The following MARCHF1 variants were observed in gnomAD, a reference collection of about 807,000 sequenced individuals.
The protein encoded by MARCHF1 is E3 ubiquitin-protein ligase MARCHF1.
In MARCHF1, 40 loss-of-function variants were observed where a neutral mutation model predicts 54.2. The ratio of observed to expected loss-of-function variants is 0.74; its 90% CI spans 0.57 to 0.96. The LOEUF (loss-of-function observed/expected upper bound fraction) is 0.96, where lower values mean the gene tolerates loss of function less well. Ranked by LOEUF, MARCHF1 falls within the 40% of genes least tolerant of loss-of-function variation. The pLI is 0.00. For synonymous variants in MARCHF1, 236 were observed against 236.3 expected (o/e 1.00, Z 0.01); for missense variants, 586 against 656.5 (o/e 0.89, Z 1.17).
chr4:163,714,363 G>A (rs992884358), intron 4 of MARCHF1, among the ~76,000 whole-genome samples: 4 of 152,140 alleles, frequency 2.6e-5, no homozygotes, highest in Non-Finnish European at 5.9e-5. Context: ...TACTGCACTC[G>A]AACTTCTTTT....
At chr4:163,596,596 G>T (rs1420782819) in intron 7 of MARCHF1, among the ~76,000 whole-genome samples, 2 of 139,756 alleles carry the variant, frequency 1.4e-5, no homozygotes, top group Non-Finnish European at 3.1e-5. Context: ...CTGAGCATTT[G>T]TTTGTCCCCA....
chr4:163,715,508 T>C (rs1013707363), intron 4 of MARCHF1, among the ~76,000 whole-genome samples: 29 of 152,230 alleles, frequency 1.9e-4, no homozygotes, highest in Non-Finnish European at 3.1e-4. Flanking sequence ...CTGTATTAGC[T>C]GACTCTCCCC....
At chr4:163,598,947 T>G (rs989517169) in intron 7 of MARCHF1, among the ~76,000 whole-genome samples, 5 of 152,236 alleles carry the variant, frequency 3.3e-5, no homozygotes, top group Admixed American at 1.3e-4. Flanking sequence ...TTCGGCTGTT[T>G]AAAAGATTTA....
At chr4:163,660,391 C>T (rs191045908) in intron 5 of MARCHF1, among the ~76,000 whole-genome samples, 134 of 151,738 alleles carry the variant, frequency 8.8e-4, no homozygotes, top group African/African-American at 3.0e-3. Flanking sequence ...TGTCACACAC[C>T]GGGGCCTGTC....
chr4:164,220,667 C>A (rs147996513), intron 1 of MARCHF1, among the ~76,000 whole-genome samples: 29,597 of 134,130 alleles, frequency 0.22, 3,637 homozygotes, highest in East Asian at 0.35. Context: ...AATATATATG[C>A]TATATGTATA....
intron 1 of MARCHF1, among the ~76,000 whole-genome samples, chr4:164,215,405 T>C (rs536751663): frequency 1.3e-5 from 2 of 152,266 alleles, no homozygotes; most frequent in South Asian, 4.1e-4. Context: ...CTTGTGTGTC[T>C]GCCTGCTAGG....
chr4:163,908,596 A>G (rs975032324), intron 3 of MARCHF1, among the ~76,000 whole-genome samples: 1 of 152,152 alleles, frequency 6.6e-6, no homozygotes, highest in Non-Finnish European at 1.5e-5. Flanking sequence ...AATGTAGATT[A>G]GATGATGGGA....
At position 164,118,918 on chromosome 4, in the gene MARCHF1, C is replaced by T. The variant is rs573887318; in HGVS notation, c.-322-7256G>A. 1.8e-4 allele frequency among the ~76,000 whole-genome samples: 26 copies of T among 147,222 alleles called. No homozygotes were observed. The South Asian group carries it at 5.3e-3, about 30-fold the overall frequency. On this transcript the variant is annotated intron_variant, in intron 1 of 9. Transcript: ENST00000514618. ...CACAACTACCATTAAAAATTACAAA[C>T]TCAAGTAGATATGAGAATAAATTGA...
At chr4:164,176,325 G>A (rs975758568) in intron 1 of MARCHF1, among the ~76,000 whole-genome samples, 1 of 152,038 alleles carries the variant, frequency 6.6e-6, no homozygotes. Flanking sequence ...CTTGCCACAC[G>A]CACAGACATA....
In MARCHF1 at chr4:164,197,609, C is replaced by T. The variant is rs1180182454; in HGVS notation, c.-322-85947G>A. The stretch of plus-strand genomic sequence containing the variant: ...TCTTCAAATTCATCTGTGAGGGCTT[C>T]GAGTTTGCCTTCATTCGACCGACTG... On this transcript the variant is annotated intron_variant, in intron 1 of 9. Transcript: ENST00000514618. The T allele has an allele frequency of 3.7e-6, 6 of 1,612,986 alleles. No homozygotes were observed. In the Admixed American group the frequency reaches 6.7e-5, roughly 18 times the overall value.
At chr4:163,748,265 G>C (rs1320687287) in intron 4 of MARCHF1, among the ~76,000 whole-genome samples, 1 of 152,038 alleles carries the variant, frequency 6.6e-6, no homozygotes, top group Non-Finnish European at 1.5e-5. Flanking sequence ...CCACCACTCT[G>C]TTCAATCCCC....
At chr4:164,017,545 T>G in intron 2 of MARCHF1, among the ~76,000 whole-genome samples, 1 of 151,878 alleles carries the variant, frequency 6.6e-6, no homozygotes. Context: ...GAAGCTATAA[T>G]TTTCCAAAAC....
At chr4:164,212,963 T>C (rs933775338) in intron 1 of MARCHF1, among the ~76,000 whole-genome samples, 8 of 152,192 alleles carry the variant, frequency 5.3e-5, no homozygotes, top group Non-Finnish European at 1.0e-4. Flanking sequence ...TGTATACACA[T>C]ATTTTTAAAT....
intron 2 of MARCHF1, among the ~76,000 whole-genome samples, chr4:164,096,119 T>C (rs1489155645): frequency 1.3e-5 from 2 of 152,180 alleles, no homozygotes; most frequent in East Asian, 3.8e-4. Context: ...TGCACTCATA[T>C]GTTCACTGCA....
intron 4 of MARCHF1, 93 bp downstream of exon 4, chr4:163,853,928 G>A (rs1749702265): frequency 4.6e-6 from 5 of 1,096,078 alleles, no homozygotes; most frequent in South Asian, 3.5e-5. Context: ...TGTAAACAAC[G>A]ATAACATTTA....
intron 2 of MARCHF1, among the ~76,000 whole-genome samples, chr4:164,025,446 T>C (rs1753745925): frequency 6.6e-6 from 1 of 151,950 alleles, no homozygotes; most frequent in South Asian, 2.1e-4. Flanking sequence ...CTCCCAAAAC[T>C]ACACAAGCAC....
intron 4 of MARCHF1, among the ~76,000 whole-genome samples, chr4:163,748,675 C>T (rs963229465): frequency 6.6e-6 from 1 of 152,346 alleles, no homozygotes; most frequent in South Asian, 2.1e-4. Context: ...ATCCATCCCT[C>T]AGGGCCAGGG....
chr4:163,788,340 A>G (rs1347006989), intron 4 of MARCHF1, among the ~76,000 whole-genome samples: 2 of 151,984 alleles, frequency 1.3e-5, no homozygotes, highest in East Asian at 3.9e-4. Context: ...CCGATGAATA[A>G]TTTAAGTGAA....
intron 4 of MARCHF1, among the ~76,000 whole-genome samples, chr4:163,736,654 C>T (rs1047252549): frequency 2.0e-5 from 3 of 151,740 alleles, no homozygotes; most frequent in African/African-American, 4.8e-5. Flanking sequence ...TATTATGATG[C>T]CTAAGACATA....
Sources: allele counts gnomAD v4.1 joint callset (sites outside exome capture counted in the v4.1 genomes callset), GRCh38; gene constraint gnomAD v4.1.1; transcripts MANE v1.5; gene names NCBI Gene and HGNC (gene_info 2026-07-23, HGNC 2026-07-21).